The following CADM2 variants were observed in gnomAD, a reference collection of about 807,000 sequenced individuals.
The protein encoded by CADM2 is cell adhesion molecule 2, also known as immunoglobulin superfamily member 4D.
Under a neutral mutation model 49.8 loss-of-function variants are expected in CADM2, and 12 were observed. The observed-to-expected ratio is 0.24, with a 90% CI of 0.15 to 0.39. The LOEUF is 0.39. CADM2 is among the 10% of genes least tolerant of loss of function. The probability of loss-of-function intolerance (pLI) is 1.00; values close to 1 mark genes in which losing one functional copy is unlikely to be tolerated. For synonymous variants in CADM2, 214 were observed against 175.4 expected, an observed-to-expected ratio of 1.22 and a Z score of -1.74; for missense variants, 378 against 492.3, an observed-to-expected ratio of 0.77 and a Z score of 2.20.
In CADM2 at chr3:85,155,926, GACGCATTCA is replaced by G. The variant is rs758642392; in HGVS notation, c.61+196260_61+196268del. On this transcript the variant is annotated intron_variant, in intron 1 of 9. Coordinates refer to ENST00000383699, the MANE Select transcript of CADM2 (RefSeq NM_001167675.2). Reference sequence around the variant, plus strand: ...AGACACAACATTCCAGAATCTCTGGGACGCATTCAAAGCAGTGTGTAGAGGGAAATTTAT... The same window carrying G: ...AGACACAACATTCCAGAATCTCTGGGAAGCAGTGTGTAGAGGGAAATTTAT... Among the ~76,000 whole-genome samples, 11 of 152,252 alleles carry G rather than the reference GACGCATTCA, an allele frequency of 7.2e-5. No homozygotes were observed. The East Asian group carries it at 1.7e-3, about 24-fold the overall frequency.
At chr3:85,127,440 C>A (rs1349760096) in intron 1 of CADM2, among the ~76,000 whole-genome samples, 1 of 152,148 alleles carries the variant, frequency 6.6e-6, no homozygotes, top group Non-Finnish European at 1.5e-5. Flanking sequence ...GGCCAACTGG[C>A]CCAAATTTCA....
intron 1 of CADM2, among the ~76,000 whole-genome samples, chr3:85,708,111 C>G (rs1021704777): frequency 6.6e-6 from 1 of 152,090 alleles, no homozygotes; most frequent in African/African-American, 2.4e-5. Flanking sequence ...GTCTAGATAT[C>G]TTTCTGTAAA....
chr3:85,472,383 C>G (rs1219544809), intron 1 of CADM2, among the ~76,000 whole-genome samples: 1 of 151,782 alleles, frequency 6.6e-6, no homozygotes, highest in Admixed American at 6.6e-5. Context: ...GTTATTCATA[C>G]ACACACGCAC....
At chr3:85,245,531 T>A (rs1244665708) in intron 1 of CADM2, among the ~76,000 whole-genome samples, 3 of 150,790 alleles carry the variant, frequency 2.0e-5, no homozygotes, top group Admixed American at 2.0e-4. Flanking sequence ...AAGATAATAA[T>A]AATTAATAAA....
At chr3:85,687,259 C>T (rs1245350155) in intron 1 of CADM2, among the ~76,000 whole-genome samples, 6 of 152,116 alleles carry the variant, frequency 3.9e-5, no homozygotes, top group African/African-American at 1.4e-4. Flanking sequence ...TTGACAGGAA[C>T]ATTCAAAATG....
chr3:85,938,174 A>C (rs2108544627), intron 7 of CADM2, among the ~76,000 whole-genome samples: 1 of 152,192 alleles, frequency 6.6e-6, no homozygotes, highest in East Asian at 1.9e-4. Flanking sequence ...TGAAGGCATT[A>C]ATCTCTTTAA....
chr3:85,729,011 T>C (rs1401389402), intron 2 of CADM2, among the ~76,000 whole-genome samples: 1 of 152,180 alleles, frequency 6.6e-6, no homozygotes, highest in Non-Finnish European at 1.5e-5. Context: ...TATCAAATAA[T>C]GTAGCAACTA....
chr3:85,043,906 C>T (rs2035546962), intron 1 of CADM2, among the ~76,000 whole-genome samples: 4 of 151,964 alleles, frequency 2.6e-5, no homozygotes, highest in Non-Finnish European at 5.9e-5. Flanking sequence ...TTTTTGAGTA[C>T]CAGAAAAAAA....
intron 3 of CADM2, among the ~76,000 whole-genome samples, chr3:85,871,669 T>C (rs567599931): frequency 1.4e-3 from 219 of 152,284 alleles, no homozygotes; most frequent in African/African-American, 4.9e-3. Context: ...TTTTGTCAGA[T>C]AGTGCATACT....
intron 1 of CADM2, among the ~76,000 whole-genome samples, chr3:85,232,902 A>T (rs2042327054): frequency 6.6e-6 from 1 of 152,212 alleles, no homozygotes; most frequent in Non-Finnish European, 1.5e-5. Context: ...ATATTTACTT[A>T]GAAGAGTTGA....
chr3:85,222,100 G>C (rs1019984950), intron 1 of CADM2, among the ~76,000 whole-genome samples: 1 of 151,972 alleles, frequency 6.6e-6, no homozygotes, highest in Non-Finnish European at 1.5e-5. Context: ...CGTCGTTTTT[G>C]TATTTTGGTT....
At chr3:85,640,374 T>C (rs566482643) in intron 1 of CADM2, among the ~76,000 whole-genome samples, 26 of 152,006 alleles carry the variant, frequency 1.7e-4, no homozygotes, top group Non-Finnish European at 2.5e-4. Flanking sequence ...ATAATTAGAC[T>C]CAAAATTTAA....
At chr3:85,696,271 T>A (rs1159891178) in intron 1 of CADM2, among the ~76,000 whole-genome samples, 1 of 152,124 alleles carries the variant, frequency 6.6e-6, no homozygotes, top group Non-Finnish European at 1.5e-5. Context: ...TTAGTTTAAT[T>A]AAGTCCCATT....
intron 1 of CADM2, among the ~76,000 whole-genome samples, chr3:85,530,774 C>T (rs1172391193): frequency 6.6e-6 from 1 of 151,742 alleles, no homozygotes; most frequent in Non-Finnish European, 1.5e-5. Context: ...CTAATACATT[C>T]TTATTGGTAG....
rs1326570672 is a variant in CADM2, at chr3:85,321,149, T to A, written c.61+361481T>A. On this transcript the variant is annotated intron_variant, in intron 1 of 9. Transcript: ENST00000383699. Reference sequence around the variant, plus strand: ...TTTTTTTTTTTTTTTTTTTTTTTTTTTTTTTTTTTTTTTTTTTGCGAGAGA... The same window carrying A: ...TTTTTTTTTTTTTTTTTTTTTTTTTATTTTTTTTTTTTTTTTTGCGAGAGA... Among the ~76,000 whole-genome samples the A allele has an allele frequency of 4.1e-3, 192 of 47,086 alleles. 6 individuals carry two copies. The highest frequency in any genetic ancestry group is 0.026 in the South Asian group (27 of 1,050). 30.9% of individuals were successfully genotyped at this position (47,086 alleles called of 152,430 possible).
intron 1 of CADM2, among the ~76,000 whole-genome samples, chr3:85,388,478 A>T (rs1301915094): frequency 6.6e-6 from 1 of 152,154 alleles, no homozygotes; most frequent in Non-Finnish European, 1.5e-5. Flanking sequence ...ACATTAAAAA[A>T]TCATGTTTTC....
chr3:85,872,898 T>C (rs1464873194), intron 3 of CADM2, among the ~76,000 whole-genome samples: 1 of 152,186 alleles, frequency 6.6e-6, no homozygotes, highest in Non-Finnish European at 1.5e-5. Context: ...TTGAATGTCA[T>C]GAATTTTTTT....
intron 8 of CADM2, among the ~76,000 whole-genome samples, chr3:86,031,971 G>C (rs1358493862): frequency 1.3e-5 from 2 of 151,792 alleles, no homozygotes; most frequent in African/African-American, 4.8e-5. Flanking sequence ...TGTAATGATA[G>C]TTTGAAACCT....
intron 1 of CADM2, among the ~76,000 whole-genome samples, chr3:85,697,556 T>C (rs1298349893): frequency 2.6e-5 from 4 of 152,216 alleles, no homozygotes; most frequent in Admixed American, 2.6e-4. Flanking sequence ...GTTTTTGTTG[T>C]ACTTCTTAAA....
Sources: allele counts gnomAD v4.1 joint callset (sites outside exome capture counted in the v4.1 genomes callset), GRCh38; gene constraint gnomAD v4.1.1; transcripts MANE v1.5; gene names NCBI Gene and HGNC (gene_info 2026-07-23, HGNC 2026-07-21).